Variants in CBX7 observed in about 807,000 individuals in gnomAD.
The protein encoded by CBX7 is chromobox 7.
Under a neutral mutation model 31.4 loss-of-function variants are expected in CBX7, and 14 were observed. The ratio of observed to expected loss-of-function variants is 0.45; its 90% CI spans 0.29 to 0.70. The LOEUF is 0.70. Ranked by LOEUF, CBX7 falls within the 30% of genes least tolerant of loss-of-function variation. The pLI, the probability that CBX7 is intolerant of heterozygous loss-of-function variation, is 0.11. For missense variants in CBX7, 269 were observed against 351.9 expected (o/e 0.76, Z 1.89); for synonymous variants, 159 against 152.6 (o/e 1.04, Z -0.31).
intron 4 of CBX7, 197 bp from the exon 5 acceptor site, chr22:39,134,949 C>A (rs968829101): frequency 1.8e-6 from 1 of 560,666 alleles, no homozygotes; most frequent in Middle Eastern, 4.6e-4. Flanking sequence ...CAGGGTCGGC[C>A]AGCTCAGCCC....
chr22:39,133,217 G>A lies in CBX7; in HGVS notation c.*674C>T, dbSNP rs915284079. ...GGCACATGGGAACGTACACGCGAAG[G>A]GTAATGCGTGCACACCTGTGCAGCC... On this transcript the variant is annotated 3_prime_UTR_variant, in exon 6 of 6. Transcript: ENST00000216133. The A allele has an allele frequency of 6.6e-6, 1 of 152,296 alleles. No homozygotes were observed. Among genetic ancestry groups the A allele is most frequent in the African/African-American group, 2.4e-5 (1 of 41,542 alleles). 9.4% of individuals were successfully genotyped at this position (152,296 alleles called of 1,614,324 possible).
intron 3 of CBX7, among the ~76,000 whole-genome samples, chr22:39,138,983 G>A (rs530998742): frequency 8.5e-5 from 13 of 152,318 alleles, no homozygotes; most frequent in African/African-American, 2.9e-4. Context: ...GGGCTCCAGG[G>A]CCATGTGCGG....
intron 3 of CBX7, 48 bp downstream of exon 3, chr22:39,141,323 C>A: frequency 6.4e-7 from 1 of 1,555,270 alleles, no homozygotes. Flanking sequence ...CCTGGGAAGC[C>A]TCTGAGCCGG....
chr22:39,152,579 G>T lies in CBX7; in HGVS notation c.-135C>A. 1 of 175,146 alleles carries T rather than the reference G, an allele frequency of 5.7e-6. No individual in the cohort carries two copies. The highest frequency in any genetic ancestry group is 1.7e-4 in the South Asian group (1 of 6,002). 10.8% of individuals were successfully genotyped at this position (175,146 alleles called of 1,614,324 possible). ...TCCGGGCGCGCACGCGCACGCGCAC[G>T]CGCGCACACCCCCTCGCGCTCCCTC... On this transcript the variant is annotated 5_prime_UTR_variant, in exon 1 of 6. Coordinates refer to ENST00000216133, the MANE Select transcript of CBX7 (RefSeq NM_175709.5). This position sits in a 1 kb window ranked among gnomAD's most constrained non-coding sequence, Gnocchi z 4.9.
At position 39,138,689 on chromosome 22, in the gene CBX7, G is replaced by A. The variant is rs1340628236; in HGVS notation, c.193C>T (p.Arg65Ter). The A allele has an allele frequency of 4.3e-6, 7 of 1,614,132 alleles. No individual in the cohort carries two copies. Among genetic ancestry groups the A allele is most frequent in the South Asian group, 1.1e-5 (1 of 91,086 alleles). The change falls in exon 4 of 6, where the codon CGA becomes TGA. Residue 65 changes from arginine (R) to a stop codon, truncating the protein, a stop_gained. Coordinates refer to ENST00000216133, the MANE Select transcript of CBX7 (RefSeq NM_175709.5). LOFTEE classifies it high-confidence loss of function. ...MAYEEKEERD[R>*]ASGYRKRGPK... Reference sequence around the variant, plus strand: ...CCTCTCTTCCTATACCCCGATGCTCGGTCTCTCTCCTCCCTGGGGTGTGAA... The same window carrying A: ...CCTCTCTTCCTATACCCCGATGCTCAGTCTCTCTCCTCCCTGGGGTGTGAA...
intron 2 of CBX7, among the ~76,000 whole-genome samples, chr22:39,145,780 A>G (rs2146367440): frequency 6.7e-6 from 1 of 148,614 alleles, no homozygotes; most frequent in Non-Finnish European, 1.5e-5. Context: ...AAACACGGCC[A>G]CGTGACCTCC....
chr22:39,133,969 G>A lies in CBX7; in HGVS notation c.678C>T (p.Thr226=), dbSNP rs377733779. 27 of 1,613,792 alleles carry A rather than the reference G, an allele frequency of 1.7e-5. No homozygotes were observed. The African/African-American group carries it at 1.7e-4, about 10-fold the overall frequency. The stretch of plus-strand genomic sequence containing the variant: ...GGAAGGTGACGGTGATGGAGTTGGC[G>A]GTGATGTCGGTCACGGTCACCTCAC... ...PSSEVTVTDI[T]ANSITVTFRE... Residue 226 remains threonine, a synonymous_variant, in exon 6 of 6, where the codon ACC becomes ACT. Coordinates refer to ENST00000216133, the MANE Select transcript of CBX7 (RefSeq NM_175709.5).
intron 2 of CBX7, among the ~76,000 whole-genome samples, chr22:39,146,330 G>C (rs1930660307): frequency 6.6e-6 from 1 of 152,254 alleles, no homozygotes; most frequent in Non-Finnish European, 1.5e-5. Flanking sequence ...TCCCCAGCCT[G>C]GGTGGAGACA....
In CBX7 at chr22:39,141,427, C is replaced by A; in HGVS notation, c.123G>T (p.Thr41=). ...KWKGWPPKYS[T]WEPEEHILDP... is the part of the protein sequence containing the mutation. ...CCAAGATGTGCTCTTCTGGCTCCCACGTGCTGTACCTGGGGAGAGGAATGA... is the reference window on the plus strand; with the variant it reads ...CCAAGATGTGCTCTTCTGGCTCCCAAGTGCTGTACCTGGGGAGAGGAATGA... The change falls in exon 3 of 6, where the codon ACG becomes ACT. Residue 41 remains threonine (T), a synonymous_variant. Transcript: ENST00000216133. 6.2e-7 allele frequency: 1 copy of A among 1,611,664 alleles called. No homozygotes were observed. The highest frequency in any genetic ancestry group is 2.2e-5 in the East Asian group (1 of 44,756).
intron 4 of CBX7, 86 bp from the exon 5 acceptor site, chr22:39,134,838 T>A: frequency 2.4e-6 from 2 of 835,746 alleles, no homozygotes; most frequent in Non-Finnish European, 3.5e-6. Context: ...CCACCCGGAA[T>A]GCCCTTCCCA....
chr22:39,141,274 G>T, intron 3 of CBX7, 97 bp downstream of exon 3: 1 of 1,062,212 alleles, frequency 9.4e-7, no homozygotes, highest in Non-Finnish European at 1.4e-6. Flanking sequence ...GGACACCCCT[G>T]CCCTGCCCCA....
rs776358998 is a variant in CBX7 at position 39,146,060 on chromosome 22, C to T, written c.113+3729G>A. 3.3e-5 allele frequency among the ~76,000 whole-genome samples: 5 copies of T among 152,314 alleles called. 1 individual carries two copies. Among genetic ancestry groups the T allele is most frequent in the Middle Eastern group, 6.8e-3 (2 of 294 alleles). Reference sequence around the variant, plus strand: ...CCCCAGTCCCCACTCCGATTTAAAGCTGCTGCACAGAAGACACAGCACGGG... The same window carrying T: ...CCCCAGTCCCCACTCCGATTTAAAGTTGCTGCACAGAAGACACAGCACGGG... On this transcript the variant is annotated intron_variant, in intron 2 of 5. Transcript: ENST00000216133.
Position 39,149,748 on chromosome 22 carries a change from G to C in CBX7, c.113+41C>G, listed in dbSNP as rs562569207. The C allele has an allele frequency of 1.7e-5, 27 of 1,596,250 alleles. No homozygotes were observed. In the South Asian group the frequency reaches 2.5e-4, roughly 15 times the overall value. The stretch of plus-strand genomic sequence containing the variant: ...AGGCAGGTGGAGGAATGCATGGGTC[G>C]GTAGGCAGACAGACAGACACACACA... On this transcript the variant is annotated intron_variant, in intron 2 of 5. Coordinates refer to ENST00000216133, the MANE Select transcript of CBX7 (RefSeq NM_175709.5).
chr22:39,147,932 T>G (rs1328778424), intron 2 of CBX7: 1 of 152,196 alleles, frequency 6.6e-6, no homozygotes, highest in Non-Finnish European at 1.5e-5. Context: ...AACCAAATGT[T>G]TACTAAAGCA....
intron 2 of CBX7, chr22:39,147,391 CCTGTTA>C (rs71764531): frequency 0.18 from 27,818 of 151,690 alleles, 3,049 homozygotes; most frequent in East Asian, 0.42. Context: ...AATCATGGTT[CCTGTTA>C]CTGTTACTGA....
rs1930889393 is a variant in CBX7 at position 39,152,327 on chromosome 22, C to T, written c.69+49G>A. The T allele has an allele frequency of 8.0e-7, 1 of 1,257,650 alleles. No homozygotes were observed. Among genetic ancestry groups the T allele is most frequent in the Non-Finnish European group, 1.0e-6 (1 of 972,128 alleles). The allele number at this position is 1,257,650 out of a possible 1,614,324, so 77.9% of individuals were successfully genotyped here. ...AGCGTGGAGGGAGCGGTGCTGGGGA[C>T]GGGAGGGACCCCACTGGGGTCCTGG... On this transcript the variant is annotated intron_variant, in intron 1 of 5. Coordinates refer to ENST00000216133, the MANE Select transcript of CBX7 (RefSeq NM_175709.5). This position sits in a 1 kb window ranked among gnomAD's most constrained non-coding sequence, Gnocchi z 4.9.
At chr22:39,142,025 G>A (rs180784758) in intron 2 of CBX7, among the ~76,000 whole-genome samples, 12 of 152,302 alleles carry the variant, frequency 7.9e-5, no homozygotes, top group South Asian at 2.1e-4. Context: ...GAGAGAGGGC[G>A]CCTGTAAGCC....
chr22:39,138,607 G>C, intron 4 of CBX7, 29 bp downstream of exon 4: 1 of 1,611,394 alleles, frequency 6.2e-7, no homozygotes. Flanking sequence ...GGCAGGGGGA[G>C]AAAGGAGGCA....
chr22:39,143,754 G>A (rs770118950), intron 2 of CBX7, among the ~76,000 whole-genome samples: 4 of 152,214 alleles, frequency 2.6e-5, no homozygotes, highest in Non-Finnish European at 5.9e-5. Flanking sequence ...ACGTTTGGAT[G>A]TATTCAGTAG....
Sources: allele counts gnomAD v4.1 joint callset (sites outside exome capture counted in the v4.1 genomes callset), GRCh38; gene constraint gnomAD v4.1.1; non-coding constraint Gnocchi (gnomAD v3.1); transcripts MANE v1.5; gene names NCBI Gene and HGNC (gene_info 2026-07-23, HGNC 2026-07-21).